Variants in ANK3 observed in about 807,000 individuals in gnomAD.
ANK3 encodes the protein ankyrin-3.
In ANK3, 57 loss-of-function variants were observed where a neutral mutation model predicts 370.9. The ratio of observed to expected loss-of-function variants is 0.15; its 90% confidence interval spans 0.12 to 0.19. The LOEUF is 0.19. Ranked by LOEUF, ANK3 falls within the 10% of genes least tolerant of loss-of-function variation. The probability of loss-of-function intolerance (pLI) is 1.00; values close to 1 mark genes in which losing one functional copy is unlikely to be tolerated. For missense variants in ANK3, 4,439 were observed against 5,302.1 expected, an observed-to-expected ratio of 0.84 and a Z score of 5.06; for synonymous variants, 1,929 against 1,946.3, an observed-to-expected ratio of 0.99 and a Z score of 0.23.
At chr10:60,313,084 C>G (rs750909563) in intron 1 of ANK3, among the ~76,000 whole-genome samples, 1 of 152,166 alleles carries the variant, frequency 6.6e-6, no homozygotes, top group Non-Finnish European at 1.5e-5. Flanking sequence ...CACCTTTGCT[C>G]CTTTTTCACA....
At chr10:60,330,903 T>C (rs1049906808) in intron 1 of ANK3, among the ~76,000 whole-genome samples, 1 of 152,184 alleles carries the variant, frequency 6.6e-6, no homozygotes, top group Non-Finnish European at 1.5e-5. Flanking sequence ...GAAGAAAATG[T>C]GGCACATATA....
chr10:60,644,453 A>G (rs1332566313), intron 1 of ANK3, among the ~76,000 whole-genome samples: 1 of 152,250 alleles, frequency 6.6e-6, no homozygotes, highest in African/African-American at 2.4e-5. Flanking sequence ...AAATACATTC[A>G]TCACTAAATA....
intron 30 of ANK3, among the ~76,000 whole-genome samples, 181 bp from the exon 31 acceptor site, chr10:60,085,434 C>T (rs1254636885): frequency 6.6e-6 from 1 of 152,010 alleles, no homozygotes. Context: ...TTTTACCAGG[C>T]TTATTGTGAT....
chr10:60,638,262 G>A (rs1341519054), intron 1 of ANK3, among the ~76,000 whole-genome samples: 1 of 152,144 alleles, frequency 6.6e-6, no homozygotes, highest in Non-Finnish European at 1.5e-5. Context: ...CCAGAGTGGA[G>A]AGACTTTGTA....
intron 25 of ANK3, among the ~76,000 whole-genome samples, chr10:60,131,166 C>T (rs924630087): frequency 6.6e-6 from 1 of 152,198 alleles, no homozygotes; most frequent in Non-Finnish European, 1.5e-5. Context: ...AAAATTATCA[C>T]TGCTAAGAAA....
intron 23 of ANK3, among the ~76,000 whole-genome samples, chr10:60,142,214 T>C (rs2094599712): frequency 6.6e-6 from 1 of 152,210 alleles, no homozygotes; most frequent in South Asian, 2.1e-4. Context: ...TTTCAGTCCC[T>C]AGAAGTCCTT....
chr10:60,415,511 T>A (rs1449396544), intron 2 of ANK3, among the ~76,000 whole-genome samples: 1 of 152,002 alleles, frequency 6.6e-6, no homozygotes, highest in Non-Finnish European at 1.5e-5. Flanking sequence ...GGAGGGAGGA[T>A]AAATGTGCAG....
intron 1 of ANK3, among the ~76,000 whole-genome samples, chr10:60,342,052 G>A (rs1018013842): frequency 1.3e-5 from 2 of 152,012 alleles, no homozygotes; most frequent in Admixed American, 1.3e-4. Flanking sequence ...AGTTTCATTT[G>A]GTAAAAATTA....
intron 2 of ANK3, among the ~76,000 whole-genome samples, chr10:60,515,042 A>T (rs2076184156): frequency 6.6e-6 from 1 of 152,158 alleles, no homozygotes; most frequent in African/African-American, 2.4e-5. Flanking sequence ...ATAAATGTGA[A>T]TATGTTGCAC....
intron 2 of ANK3, among the ~76,000 whole-genome samples, chr10:60,583,511 G>GTTTTTTTTTTTTTTTT (rs750384975): frequency 4.0e-5 from 4 of 100,078 alleles, no homozygotes; most frequent in Non-Finnish European, 2.2e-5. Context: ...GAGGTTTTTT[G>GTTTTTTTTTTTTTTTT]TTTTTTGTTT....
intron 1 of ANK3, among the ~76,000 whole-genome samples, chr10:60,690,439 G>A (rs927935161): frequency 2.6e-5 from 4 of 152,056 alleles, no homozygotes; most frequent in Non-Finnish European, 4.4e-5. Context: ...GTCCAAAGTA[G>A]TTCTTATTTG....
chr10:60,112,530 T>C (rs1204383213), intron 26 of ANK3, among the ~76,000 whole-genome samples: 1 of 152,222 alleles, frequency 6.6e-6, no homozygotes, highest in Non-Finnish European at 1.5e-5. Context: ...AACACTTTCA[T>C]GTCAATTATT....
upstream of ANK3, among the ~76,000 whole-genome samples, chr10:60,392,450 G>C (rs1416380368): frequency 6.6e-6 from 1 of 152,172 alleles, no homozygotes; most frequent in Non-Finnish European, 1.5e-5. Context: ...ATCCCTGGTA[G>C]CAACAAGAAT....
chr10:60,363,970 G>GTT lies in ANK3; in HGVS notation c.114+25453_114+25454dup, dbSNP rs113960102. ...TAGTTAAAAAAGAGGAAGGAGAAGT[G>GTT]TTTTTTTTTTTTTTTTTTTTTTTTA... On this transcript the variant is annotated intron_variant, in intron 1 of 43. Transcript: ENST00000280772. Among the ~76,000 whole-genome samples, 56 of 138,188 alleles carry GTT rather than the reference G, an allele frequency of 4.1e-4. 1 individual carries two copies. Among genetic ancestry groups the GTT allele is most frequent in the African/African-American group, 1.2e-3 (44 of 36,476 alleles). 90.7% of individuals were successfully genotyped at this position (138,188 alleles called of 152,430 possible).
intron 42 of ANK3, among the ~76,000 whole-genome samples, chr10:60,048,526 A>G (rs2077315686): frequency 1.3e-5 from 2 of 152,236 alleles, no homozygotes; most frequent in South Asian, 4.1e-4. Flanking sequence ...CAGATGCTCA[A>G]GTCCCAGATA....
chr10:60,241,175 G>A (rs58081548), intron 7 of ANK3, among the ~76,000 whole-genome samples: 1 of 151,092 alleles, frequency 6.6e-6, no homozygotes, highest in Admixed American at 6.6e-5. Flanking sequence ...AAAATATGAT[G>A]ATTTTTTTTC....
chr10:60,681,256 T>A (rs950500919), intron 1 of ANK3, among the ~76,000 whole-genome samples: 3 of 152,158 alleles, frequency 2.0e-5, no homozygotes, highest in African/African-American at 7.2e-5. Flanking sequence ...ACAAATCTTA[T>A]CATGTGGCAA....
chr10:60,666,345 T>G (rs1174531275), intron 1 of ANK3, among the ~76,000 whole-genome samples: 1 of 151,612 alleles, frequency 6.6e-6, no homozygotes, highest in African/African-American at 2.4e-5. Context: ...TTATCTAGAG[T>G]TGTGAAATTC....
intron 2 of ANK3, among the ~76,000 whole-genome samples, chr10:60,504,815 A>G (rs1358229237): frequency 6.6e-6 from 1 of 152,160 alleles, no homozygotes; most frequent in Admixed American, 6.6e-5. Flanking sequence ...AGGGAAAAGT[A>G]GAAATTGTTC....
Sources: gnomAD v4.1 joint callset for allele counts (sites outside exome capture counted in the v4.1 genomes callset) on GRCh38, gnomAD v4.1.1 for gene constraint, MANE v1.5 for transcripts, NCBI Gene and HGNC (gene_info 2026-07-23, HGNC 2026-07-21) for gene names.